Variants in NXPE2 observed in about 807,000 individuals in gnomAD.
The protein encoded by NXPE2 is neurexophilin and PC-esterase domain family member 2.
Under a neutral mutation model 34.4 loss-of-function variants are expected in NXPE2, and 34 were observed. The ratio of observed to expected loss-of-function variants is 0.99; its 90% confidence interval spans 0.75 to 1.31. The LOEUF is 1.31. Ranked by LOEUF, NXPE2 falls within the 40% of genes most tolerant of loss-of-function variation. The probability of loss-of-function intolerance (pLI) is 0.00; values close to 1 mark genes in which losing one functional copy is unlikely to be tolerated. For missense variants in NXPE2, 649 were observed against 672.5 expected (o/e 0.97, Z 0.39); for synonymous variants, 235 against 231.3 (o/e 1.02, Z -0.15).
At chr11:114,635,469 G>A in the NXPE2 span, among the ~76,000 whole-genome samples, 6 of 151,662 alleles carry the variant, frequency 4.0e-5, no homozygotes, top group South Asian at 2.1e-4. Context: ...CTTCTCCTGC[G>A]TAATTGCCCT....
At chr11:114,522,276 G>T in the NXPE2 span, 1 of 1,614,026 alleles carries the variant, frequency 6.2e-7, no homozygotes, top group Non-Finnish European at 8.5e-7. Context: ...ATGTCAATGG[G>T]AAATGGTCTA....
At chr11:114,573,525 T>C in the NXPE2 span, among the ~76,000 whole-genome samples, 1 of 152,010 alleles carries the variant, frequency 6.6e-6, no homozygotes, top group Non-Finnish European at 1.5e-5. Context: ...TGGAAAAAGA[T>C]ATTCCATGCA....
chr11:114,532,736 T>C, the NXPE2 span, among the ~76,000 whole-genome samples: 2 of 152,234 alleles, frequency 1.3e-5, no homozygotes, highest in East Asian at 3.8e-4. Flanking sequence ...TATATGCATA[T>C]ACATATAAAA....
At chr11:114,490,877 C>T in the NXPE2 span, among the ~76,000 whole-genome samples, 1 of 152,296 alleles carries the variant, frequency 6.6e-6, no homozygotes, top group East Asian at 1.9e-4. Context: ...TAAAGAGTTT[C>T]TGCGGCCGGG....
At chr11:114,510,757 A>G in the NXPE2 span, among the ~76,000 whole-genome samples, 1 of 152,316 alleles carries the variant, frequency 6.6e-6, no homozygotes, top group African/African-American at 2.4e-5. Flanking sequence ...GGAAAATAAA[A>G]TTTGGAGAAA....
At chr11:114,468,993 A>G in the NXPE2 span, among the ~76,000 whole-genome samples, 2 of 152,188 alleles carry the variant, frequency 1.3e-5, no homozygotes, top group Admixed American at 1.3e-4. Flanking sequence ...TTTTAACAAA[A>G]AGGCAAAATT....
At chr11:114,482,789 C>G in the NXPE2 span, among the ~76,000 whole-genome samples, 3 of 152,204 alleles carry the variant, frequency 2.0e-5, no homozygotes, top group African/African-American at 7.2e-5. Flanking sequence ...CTTCTCTACT[C>G]TGTATGTGTG....
chr11:114,528,041 T>G, the NXPE2 span: 1 of 587,222 alleles, frequency 1.7e-6, no homozygotes, highest in South Asian at 2.6e-5. Context: ...TTTAGATATA[T>G]TGGGTATTGT....
chr11:114,669,258 T>C, the NXPE2 span, among the ~76,000 whole-genome samples: 2 of 152,114 alleles, frequency 1.3e-5, no homozygotes, highest in Non-Finnish European at 2.9e-5. Flanking sequence ...AAACATTTTT[T>C]GAAGAAAATC....
the NXPE2 span, among the ~76,000 whole-genome samples, chr11:114,799,070 C>A: frequency 6.6e-6 from 1 of 152,286 alleles, no homozygotes; most frequent in Non-Finnish European, 1.5e-5. Flanking sequence ...AAGTGCCTTG[C>A]AATTAAATAA....
chr11:114,466,100 G>C, the NXPE2 span, among the ~76,000 whole-genome samples: 1 of 151,994 alleles, frequency 6.6e-6, no homozygotes, highest in Non-Finnish European at 1.5e-5. Context: ...TTATAATACT[G>C]CTGCATTAGA....
the NXPE2 span, among the ~76,000 whole-genome samples, chr11:114,632,149 G>T: frequency 2.1e-5 from 3 of 140,698 alleles, no homozygotes; most frequent in African/African-American, 7.8e-5. Flanking sequence ...AATTTATTAT[G>T]TTATAAATAA....
At chr11:114,663,618 T>TATC in the NXPE2 span, among the ~76,000 whole-genome samples, 6 of 95,446 alleles carry the variant, frequency 6.3e-5, no homozygotes, top group East Asian at 1.1e-3. Context: ...TCTATCTATC[T>TATC]ATCTATCTAT....
At chr11:114,639,201 C>T in the NXPE2 span, among the ~76,000 whole-genome samples, 1 of 151,878 alleles carries the variant, frequency 6.6e-6, no homozygotes, top group Non-Finnish European at 1.5e-5. Flanking sequence ...CTCACTGCCG[C>T]CTTTCAGTTT....
chr11:114,699,085 G>GAATA (rs1466134008), intron 3 of NXPE2, among the ~76,000 whole-genome samples: 1 of 152,202 alleles, frequency 6.6e-6, no homozygotes, highest in East Asian at 1.9e-4. Flanking sequence ...GTGTTCCAGG[G>GAATA]AATACTAATC....
the NXPE2 span, among the ~76,000 whole-genome samples, chr11:114,720,447 A>G: frequency 1.3e-5 from 2 of 152,174 alleles, no homozygotes; most frequent in African/African-American, 4.8e-5. Context: ...TCTGCTTTTC[A>G]TATGTGTCGG....
chr11:114,625,837 G>A, the NXPE2 span, among the ~76,000 whole-genome samples: 2 of 152,158 alleles, frequency 1.3e-5, no homozygotes, highest in African/African-American at 4.8e-5. Context: ...GCAAGCTGAA[G>A]CATGGTGAGG....
At chr11:114,708,643 AAAG>A (rs1475537218), downstream of NXPE2, among the ~76,000 whole-genome samples, 1 of 151,720 alleles carries the variant, frequency 6.6e-6, no homozygotes, top group Non-Finnish European at 1.5e-5. Context: ...AAAAAAAAGA[AAAG>A]AAAAGAAAAG....
chr11:114,657,302 G>A, the NXPE2 span, among the ~76,000 whole-genome samples: 2 of 152,088 alleles, frequency 1.3e-5, no homozygotes, highest in South Asian at 2.1e-4. Flanking sequence ...GGGAGATCTC[G>A]ATATAGAATT....
Sources: allele counts gnomAD v4.1 joint callset (sites outside exome capture counted in the v4.1 genomes callset), GRCh38; gene constraint gnomAD v4.1.1; transcripts MANE v1.5; gene names NCBI Gene and HGNC (gene_info 2026-07-23, HGNC 2026-07-21).